The following TRDN variants were observed in gnomAD, a reference collection of about 807,000 sequenced individuals.
The protein encoded by TRDN is triadin, also known as triadin in skeletal muscle.
Under a neutral mutation model 149.7 loss-of-function variants are expected in TRDN, and 161 were observed. That is an observed-to-expected ratio of 1.08 (90% CI 0.95 to 1.23). The LOEUF is 1.23. Among genes scored for constraint, TRDN ranks in the 50% most tolerant of loss-of-function variants. The pLI is 0.00. For synonymous variants in TRDN, 294 were observed against 250.5 expected (o/e 1.17, Z -1.64); for missense variants, 896 against 823.5 (o/e 1.09, Z -1.08).
At chr6:123,333,278 G>C (rs966930903) in intron 22 of TRDN, among the ~76,000 whole-genome samples, 20 of 151,956 alleles carry the variant, frequency 1.3e-4, no homozygotes, top group Admixed American at 1.2e-3. Context: ...TCAGCATGTT[G>C]ATCTAAATGG....
At chr6:123,380,343 T>A (rs1378385494) in intron 16 of TRDN, among the ~76,000 whole-genome samples, 1 of 152,224 alleles carries the variant, frequency 6.6e-6, no homozygotes. Flanking sequence ...ACTTTAATAC[T>A]ATTTTTCGAA....
chr6:123,248,284 C>T (rs1776254337), intron 38 of TRDN, among the ~76,000 whole-genome samples: 1 of 151,320 alleles, frequency 6.6e-6, no homozygotes, highest in South Asian at 2.1e-4. Context: ...AAGCTGGGTA[C>T]AGTGGCTCAA....
At chr6:123,271,098 TATA>T (rs1305040593) in intron 30 of TRDN, 38 bp downstream of exon 30, 8 of 1,302,186 alleles carry the variant, frequency 6.1e-6, no homozygotes, top group African/African-American at 1.5e-5. Context: ...CCACATAACA[TATA>T]ATGAGACATA....
chr6:123,340,447 T>G (rs2114742820), intron 21 of TRDN, among the ~76,000 whole-genome samples: 1 of 152,218 alleles, frequency 6.6e-6, no homozygotes, highest in African/African-American at 2.4e-5. Context: ...CTTTCTGGCT[T>G]GGTGTCAACA....
chr6:123,289,558 G>A (rs575735974), intron 24 of TRDN, among the ~76,000 whole-genome samples: 5 of 152,172 alleles, frequency 3.3e-5, no homozygotes, highest in South Asian at 2.1e-4. Context: ...TTCCACTAGC[G>A]TGCCATGTCA....
chr6:123,591,754 C>A (rs1290162466), intron 1 of TRDN, among the ~76,000 whole-genome samples: 1 of 152,132 alleles, frequency 6.6e-6, no homozygotes, highest in Non-Finnish European at 1.5e-5. Context: ...CCAGCAGCTT[C>A]CTGTGCCTTT....
chr6:123,623,163 G>A (rs1022202210), intron 1 of TRDN, among the ~76,000 whole-genome samples: 4 of 151,890 alleles, frequency 2.6e-5, no homozygotes, highest in African/African-American at 9.7e-5. Context: ...ATTTCCCTGA[G>A]GTTATTGTCT....
At chr6:123,395,782 C>T (rs948132860) in intron 12 of TRDN, among the ~76,000 whole-genome samples, 3 of 152,150 alleles carry the variant, frequency 2.0e-5, no homozygotes, top group Non-Finnish European at 4.4e-5. Context: ...GTTTGTCCCT[C>T]ATAACTCCAT....
chr6:123,311,268 G>T (rs1333458859), intron 24 of TRDN, among the ~76,000 whole-genome samples: 3 of 151,822 alleles, frequency 2.0e-5, no homozygotes, highest in Non-Finnish European at 4.4e-5. Context: ...CAGATCCCAT[G>T]AGAACTTACT....
chr6:123,627,245 T>C (rs1306801354), intron 1 of TRDN, among the ~76,000 whole-genome samples: 2 of 152,102 alleles, frequency 1.3e-5, no homozygotes, highest in East Asian at 3.9e-4. Flanking sequence ...ATGTATTTCT[T>C]AAAAAATGTC....
intron 4 of TRDN, among the ~76,000 whole-genome samples, chr6:123,541,996 C>T (rs981136340): frequency 6.6e-6 from 1 of 152,110 alleles, no homozygotes; most frequent in African/African-American, 2.4e-5. Context: ...CTTTCTCATT[C>T]GCTCAGACTG....
chr6:123,430,752 T>C (rs1348762146), intron 12 of TRDN, among the ~76,000 whole-genome samples: 2 of 152,186 alleles, frequency 1.3e-5, no homozygotes, highest in African/African-American at 2.4e-5. Context: ...ATTTTTAACA[T>C]GAACCTTCGC....
In TRDN at chr6:123,499,703, C is replaced by CAAAAAAAA. The variant is rs775014014; in HGVS notation, c.794-2459_794-2452dup. Among the ~76,000 whole-genome samples the CAAAAAAAA allele has an allele frequency of 3.2e-3, 74 of 22,782 alleles. 2 individuals carry two copies. Among genetic ancestry groups the CAAAAAAAA allele is most frequent in the African/African-American group, 8.9e-3 (64 of 7,216 alleles). 14.9% of individuals were successfully genotyped at this position (22,782 alleles called of 152,430 possible). A position where few individuals can be genotyped will look rare whatever the true frequency, so the allele number is the denominator to read the frequency against. On this transcript the variant is annotated intron_variant, in intron 8 of 40. Coordinates refer to ENST00000334268, the MANE Select transcript of TRDN (RefSeq NM_006073.4). ...TGGGCAACATAGTGAGATTCTGGCT[C>CAAAAAAAA]AAAAAAAAAAAAAAAAATATATATA...
intron 18 of TRDN, among the ~76,000 whole-genome samples, chr6:123,375,860 T>C (rs1210067453): frequency 6.6e-6 from 1 of 152,126 alleles, no homozygotes; most frequent in Admixed American, 6.5e-5. Context: ...TTCATACTTC[T>C]CCCAACACAG....
chr6:123,247,655 G>A (rs756794238), intron 38 of TRDN, among the ~76,000 whole-genome samples: 4 of 152,210 alleles, frequency 2.6e-5, no homozygotes, highest in South Asian at 2.1e-4. Flanking sequence ...AATCAATATC[G>A]TTAAAATGAC....
chr6:123,285,064 G>A (rs1181355097), intron 24 of TRDN, among the ~76,000 whole-genome samples: 3 of 151,936 alleles, frequency 2.0e-5, no homozygotes, highest in African/African-American at 4.8e-5. Context: ...GATAGAATCA[G>A]TATTGTGAAA....
chr6:123,613,037 TA>T, intron 1 of TRDN, among the ~76,000 whole-genome samples: 1 of 152,296 alleles, frequency 6.6e-6, no homozygotes, highest in South Asian at 2.1e-4. Context: ...GAATACAGCA[TA>T]AAATTAGATG....
intron 24 of TRDN, among the ~76,000 whole-genome samples, chr6:123,311,450 T>G (rs1016969315): frequency 8.6e-5 from 13 of 151,976 alleles, no homozygotes; most frequent in African/African-American, 3.1e-4. Flanking sequence ...ATCAATGCTT[T>G]GTCCCTGCAG....
intron 38 of TRDN, among the ~76,000 whole-genome samples, chr6:123,237,288 C>T (rs1022366143): frequency 1.3e-5 from 2 of 151,934 alleles, no homozygotes; most frequent in Non-Finnish European, 2.9e-5. Flanking sequence ...CTCGCTCTGT[C>T]GCCCAGGCTG....
Sources: allele counts gnomAD v4.1 joint callset (sites outside exome capture counted in the v4.1 genomes callset), GRCh38; gene constraint gnomAD v4.1.1; transcripts MANE v1.5; gene names NCBI Gene and HGNC (gene_info 2026-07-23, HGNC 2026-07-21).